Variants in PKNOX2 observed in about 807,000 individuals in gnomAD.
PKNOX2 encodes PBX/knotted 1 homeobox 2, also known as homeobox protein PKNOX2.
In PKNOX2, 14 loss-of-function variants were observed where a neutral mutation model predicts 53.1. The observed-to-expected ratio is 0.26, with a 90% CI of 0.17 to 0.41. The LOEUF is 0.41. Among genes scored for constraint, PKNOX2 ranks in the 10% least tolerant of loss-of-function variants. The pLI, the probability that PKNOX2 is intolerant of heterozygous loss-of-function variation, is 1.00. For synonymous variants in PKNOX2, 257 were observed against 242.8 expected, an observed-to-expected ratio of 1.06 and a Z score of -0.54; for missense variants, 496 against 602.8, an observed-to-expected ratio of 0.82 and a Z score of 1.85.
At chr11:125,258,310 C>T (rs577441979) in intron 2 of PKNOX2, among the ~76,000 whole-genome samples, 4 of 152,290 alleles carry the variant, frequency 2.6e-5, no homozygotes, top group East Asian at 3.9e-4. Context: ...AATTTGTTCT[C>T]GGTAGTAATC....
At chr11:125,269,717 CAAGGGT>C (rs1257706180) in intron 2 of PKNOX2, among the ~76,000 whole-genome samples, 2 of 152,132 alleles carry the variant, frequency 1.3e-5, no homozygotes, top group Admixed American at 1.3e-4. Flanking sequence ...TAGAATGGGG[CAAGGGT>C]GGTCCAGGTC....
At chr11:125,396,106 A>G (rs1591555581) in intron 6 of PKNOX2, among the ~76,000 whole-genome samples, 2 of 152,038 alleles carry the variant, frequency 1.3e-5, no homozygotes, top group African/African-American at 4.8e-5. Context: ...GGCATGCACA[A>G]CCACCACTGG....
chr11:125,406,448 G>A (rs774628891), intron 7 of PKNOX2, among the ~76,000 whole-genome samples: 6 of 152,198 alleles, frequency 3.9e-5, no homozygotes, highest in Non-Finnish European at 8.8e-5. Context: ...CCATTGCTAC[G>A]TAAAGAACTC....
At chr11:125,347,456 C>T (rs1951041444) in intron 3 of PKNOX2, among the ~76,000 whole-genome samples, 2 of 152,152 alleles carry the variant, frequency 1.3e-5, no homozygotes, top group Non-Finnish European at 1.5e-5. Flanking sequence ...TAATGAGCTC[C>T]TTCCTAATGA....
intron 2 of PKNOX2, among the ~76,000 whole-genome samples, chr11:125,308,141 C>T (rs11220016): frequency 0.23 from 34,338 of 152,158 alleles, 4,512 homozygotes; most frequent in East Asian, 0.51. Flanking sequence ...CGGGAGACCC[C>T]TGGCCACTGG....
At chr11:125,298,833 C>CACTT (rs1307029024) in intron 2 of PKNOX2, among the ~76,000 whole-genome samples, 2 of 152,170 alleles carry the variant, frequency 1.3e-5, no homozygotes, top group Non-Finnish European at 2.9e-5. Flanking sequence ...GTAGGGCAGG[C>CACTT]CTTCTTCGCC....
At position 125,196,987 on chromosome 11, in the gene PKNOX2, T is replaced by C. The variant is rs77352833; in HGVS notation, c.-201+32211T>C. Among the ~76,000 whole-genome samples the C allele has an allele frequency of 1.4e-4, 22 of 152,344 alleles. No homozygotes were observed. The East Asian group carries it at 4.2e-3, about 29-fold the overall frequency. The stretch of plus-strand genomic sequence containing the variant: ...CCCTATTGGGTAAAGCCGTAAGCGA[T>C]GTGGCTACTTAAATTTAAATGCATT... On this transcript the variant is annotated intron_variant, in intron 1 of 12. Coordinates refer to ENST00000298282, the MANE Select transcript of PKNOX2 (RefSeq NM_001382323.2).
Position 125,222,404 on chromosome 11 carries a change from T to C in PKNOX2, c.-200-12641T>C, listed in dbSNP as rs984211986. ...TGGTGGAGCAGTTTGATGTTTTTCATGTGATATTTTTAGTTGAACCCTGAA... is the reference window on the plus strand; with the variant it reads ...TGGTGGAGCAGTTTGATGTTTTTCACGTGATATTTTTAGTTGAACCCTGAA... On this transcript the variant is annotated intron_variant, in intron 1 of 12. Transcript: ENST00000298282. Among the ~76,000 whole-genome samples the C allele has an allele frequency of 3.9e-5, 6 of 152,202 alleles. 1 individual carries two copies. Among genetic ancestry groups the C allele is most frequent in the African/African-American group, 1.4e-4 (6 of 41,442 alleles).
At chr11:125,191,937 T>A (rs1185592761) in intron 1 of PKNOX2, among the ~76,000 whole-genome samples, 2 of 152,236 alleles carry the variant, frequency 1.3e-5, no homozygotes, top group African/African-American at 4.8e-5. Flanking sequence ...TCCAGTGTGG[T>A]GCTTCGCGCT....
At chr11:125,185,674 A>T (rs1956407985) in intron 1 of PKNOX2, among the ~76,000 whole-genome samples, 1 of 152,172 alleles carries the variant, frequency 6.6e-6, no homozygotes, top group South Asian at 2.1e-4. Flanking sequence ...TGCCATTAAC[A>T]TGTATCAGAA....
Position 125,283,474 on chromosome 11 carries a change from G to A in PKNOX2, c.-129-48345G>A, listed in dbSNP as rs1381076590. ...CAATATCTAGGTATACTGCTCTCTGGAAGAGGCAGAAATAATTGAAATATA... is the reference window on the plus strand; with the variant it reads ...CAATATCTAGGTATACTGCTCTCTGAAAGAGGCAGAAATAATTGAAATATA... On this transcript the variant is annotated intron_variant, in intron 2 of 12. Transcript: ENST00000298282. Among the ~76,000 whole-genome samples the A allele has an allele frequency of 2.0e-5, 3 of 152,194 alleles. No homozygotes were observed. The South Asian group carries it at 6.2e-4, about 31-fold the overall frequency.
chr11:125,279,619 A>AT (rs1398678821), intron 2 of PKNOX2, among the ~76,000 whole-genome samples: 4 of 152,060 alleles, frequency 2.6e-5, no homozygotes, highest in African/African-American at 9.7e-5. Context: ...GCTTCTTCCT[A>AT]TAGAGCACCT....
chr11:125,320,443 A>G (rs1358477709), intron 2 of PKNOX2, among the ~76,000 whole-genome samples: 1 of 152,076 alleles, frequency 6.6e-6, no homozygotes, highest in Non-Finnish European at 1.5e-5. Context: ...CTGGGCTTGG[A>G]GGAACAGGAG....
At chr11:125,222,662 ATGTG>A (rs67172956) in intron 1 of PKNOX2, among the ~76,000 whole-genome samples, 3 of 126,932 alleles carry the variant, frequency 2.4e-5, no homozygotes, top group East Asian at 2.3e-4. Context: ...TGTGCTGTGT[ATGTG>A]TGTGTGTATG....
At chr11:125,185,307 C>T (rs999814894) in intron 1 of PKNOX2, among the ~76,000 whole-genome samples, 2 of 152,066 alleles carry the variant, frequency 1.3e-5, no homozygotes, top group Admixed American at 6.6e-5. Flanking sequence ...ATTCATTTTA[C>T]ATAAGAAATT....
chr11:125,337,364 T>C (rs1419274659), intron 3 of PKNOX2, among the ~76,000 whole-genome samples: 1 of 152,232 alleles, frequency 6.6e-6, no homozygotes, highest in Non-Finnish European at 1.5e-5. Flanking sequence ...CCTCTAGTTA[T>C]TTTTTATATC....
rs373177413 is a variant in PKNOX2 at position 125,348,587 on chromosome 11, CAT to C, written c.-22-2696_-22-2695del. ...GGACTGAACAGTCTCCTCTCAGCCT[CAT>C]GGGCGGTTGTCTCTGGGCACAGGCT... On this transcript the variant is annotated intron_variant, in intron 3 of 12. Coordinates refer to ENST00000298282, the MANE Select transcript of PKNOX2 (RefSeq NM_001382323.2). Among the ~76,000 whole-genome samples the C allele has an allele frequency of 7.8e-4, 119 of 152,358 alleles. 1 individual carries two copies. The highest frequency in any genetic ancestry group is 2.7e-3 in the African/African-American group (111 of 41,588).
chr11:125,278,395 CAG>C (rs146891082), intron 2 of PKNOX2, among the ~76,000 whole-genome samples: 2,114 of 152,226 alleles, frequency 0.014, 52 homozygotes, highest in African/African-American at 0.046. Flanking sequence ...AGGAGCCAGT[CAG>C]AGAGACCAGG....
chr11:125,298,943 A>G (rs536402566), intron 2 of PKNOX2, among the ~76,000 whole-genome samples: 13 of 152,256 alleles, frequency 8.5e-5, no homozygotes, highest in Admixed American at 3.3e-4. Context: ...CTATTCTTGC[A>G]TTGCCATCGA....
Sources: gnomAD v4.1 joint callset for allele counts (sites outside exome capture counted in the v4.1 genomes callset) on GRCh38, gnomAD v4.1.1 for gene constraint, MANE v1.5 for transcripts, NCBI Gene and HGNC (gene_info 2026-07-23, HGNC 2026-07-21) for gene names.